Variants in PPP6R2 observed in about 807,000 individuals in gnomAD.
PPP6R2 encodes serine/threonine-protein phosphatase 6 regulatory subunit 2.
PPP6R2 carries 62 observed loss-of-function variants against 100.2 expected under a neutral mutation model. The ratio of observed to expected loss-of-function variants is 0.62; its 90% CI spans 0.50 to 0.76. The LOEUF (loss-of-function observed/expected upper bound fraction) is 0.76. Among genes scored for constraint, PPP6R2 ranks in the 30% least tolerant of loss-of-function variants. PPP6R2 has a pLI of 0.00. For missense variants in PPP6R2, 1,142 were observed against 1,276.3 expected (o/e 0.89, Z 1.60); for synonymous variants, 525 against 514.7 (o/e 1.02, Z -0.27).
intron 1 of PPP6R2, among the ~76,000 whole-genome samples, chr22:50,353,332 G>A (rs1008294523): frequency 1.3e-5 from 2 of 152,088 alleles, no homozygotes; most frequent in Non-Finnish European, 2.9e-5. Context: ...ACGTTATTAC[G>A]TTATTACTGT....
intron 5 of PPP6R2, among the ~76,000 whole-genome samples, chr22:50,415,691 C>T (rs901675846): frequency 2.6e-5 from 4 of 152,228 alleles, no homozygotes; most frequent in Admixed American, 2.0e-4. Context: ...CGTGTAGCCT[C>T]TCCAGGGTGG....
chr22:50,383,783 T>G (rs1353876361), intron 2 of PPP6R2, among the ~76,000 whole-genome samples: 1 of 152,110 alleles, frequency 6.6e-6, no homozygotes, highest in African/African-American at 2.4e-5. Context: ...ATGACTGTAA[T>G]TGCAGCACTT....
intron 1 of PPP6R2, among the ~76,000 whole-genome samples, chr22:50,356,508 C>T (rs769868360): frequency 3.3e-5 from 5 of 151,972 alleles, no homozygotes; most frequent in African/African-American, 1.2e-4. Flanking sequence ...GATTTTGCCA[C>T]GTTGGCCAGG....
Position 50,443,860 on chromosome 22 carries a change from A to T in PPP6R2, c.2580-6A>T. The T allele has an allele frequency of 6.4e-7, 1 of 1,569,104 alleles. No homozygotes were observed. Among genetic ancestry groups the T allele is most frequent in the East Asian group, 2.3e-5 (1 of 42,562 alleles). ...CCCGTAACCGGAGTCCATGTTTGCC[A>T]CACAGGGTCGGGTGTGCTGACAGCC... On this transcript the variant is annotated splice_polypyrimidine_tract_variant and splice_region_variant and intron_variant, in intron 22 of 23. Coordinates refer to ENST00000612753, the MANE Select transcript of PPP6R2 (RefSeq NM_001242898.2).
chr22:50,416,120 G>C lies in PPP6R2; in HGVS notation c.581G>C (p.Arg194Thr), dbSNP rs777031745. 1 of 1,613,914 alleles carries C rather than the reference G, an allele frequency of 6.2e-7. No individual in the cohort carries two copies. Among genetic ancestry groups the C allele is most frequent in the East Asian group, 2.2e-5 (1 of 44,878 alleles). Residue 194 changes from arginine to threonine, a missense_variant, in exon 6 of 24, where the codon AGG (arginine) becomes ACG (threonine). This residue lies in a region of PPP6R2 where 592 missense variants were observed against 758.9 expected (regional missense o/e 0.78). Transcript: ENST00000612753. ...HWLNEEKVIQ[R>T]LVELIHPSQD... ...CTGAATGAAGAGAAGGTCATCCAGA[G>C]GCTTGTGGAGTTGATCCACCCGAGC...
the PPP6R2 span, among the ~76,000 whole-genome samples, chr22:50,331,927 A>C: frequency 6.6e-6 from 1 of 151,130 alleles, no homozygotes; most frequent in African/African-American, 2.4e-5. Context: ...GCCCTATTTT[A>C]TTTTATTTTA....
intron 1 of PPP6R2, among the ~76,000 whole-genome samples, chr22:50,368,008 C>T (rs937168306): frequency 1.3e-5 from 2 of 152,206 alleles, no homozygotes; most frequent in Non-Finnish European, 2.9e-5. Context: ...AGGGGGCCGG[C>T]CCTTCCCTGT....
At chr22:50,422,895 T>C (rs8185000) in intron 9 of PPP6R2, among the ~76,000 whole-genome samples, 58,181 of 152,038 alleles carry the variant, frequency 0.38, 11,556 homozygotes, top group East Asian at 0.67. Flanking sequence ...GATCCACCTG[T>C]CCCACTAGCG....
At chr22:50,386,813 TAAGGAGGGTTGGAAAAGTTAGGCTG>T (rs1018917596) in intron 2 of PPP6R2, among the ~76,000 whole-genome samples, 20 of 152,188 alleles carry the variant, frequency 1.3e-4, no homozygotes, top group Admixed American at 1.0e-3. Flanking sequence ...TAGCTGGCTG[TAAGGAGGGTTGGAAAAGTTAGGCTG>T]AAGGAGGGTG....
intron 6 of PPP6R2, among the ~76,000 whole-genome samples, chr22:50,417,466 C>G (rs962602244): frequency 8.5e-5 from 13 of 152,170 alleles, no homozygotes; most frequent in African/African-American, 3.1e-4. Context: ...GTGGTGATCC[C>G]TGTTGAGAGT....
chr22:50,347,320 CG>C (rs1488201200), intron 1 of PPP6R2, among the ~76,000 whole-genome samples: 2 of 152,032 alleles, frequency 1.3e-5, no homozygotes, highest in Non-Finnish European at 2.9e-5. Context: ...TTTCAGTGCC[CG>C]CTGTCATCAC....
chr22:50,375,965 C>T (rs1380315533), intron 2 of PPP6R2, among the ~76,000 whole-genome samples: 1 of 150,764 alleles, frequency 6.6e-6, no homozygotes, highest in Non-Finnish European at 1.5e-5. Flanking sequence ...CTCAGCCTTG[C>T]AAGTAGCTGG....
rs960324264 is a variant in PPP6R2 at position 50,421,419 on chromosome 22, C to T, written c.846-835C>T. ...GTACAGCAGCACGATCATATCTCAGCGTGGCCTCAGAGTCCTGAGCTCAAG... is the reference window on the plus strand; with the variant it reads ...GTACAGCAGCACGATCATATCTCAGTGTGGCCTCAGAGTCCTGAGCTCAAG... On this transcript the variant is annotated intron_variant, in intron 8 of 23. Coordinates refer to ENST00000612753, the MANE Select transcript of PPP6R2 (RefSeq NM_001242898.2). Among the ~76,000 whole-genome samples, 5 of 152,182 alleles carry T rather than the reference C, an allele frequency of 3.3e-5. No individual in the cohort carries two copies. The East Asian group carries it at 5.8e-4, about 18-fold the overall frequency.
intron 8 of PPP6R2, among the ~76,000 whole-genome samples, chr22:50,421,771 G>A (rs1424633839): frequency 1.3e-5 from 2 of 152,116 alleles, no homozygotes; most frequent in Non-Finnish European, 2.9e-5. Context: ...AGGAGGCTGA[G>A]GCAGGAGAAT....
chr22:50,356,892 C>T (rs1421223127), intron 1 of PPP6R2, among the ~76,000 whole-genome samples: 3 of 151,872 alleles, frequency 2.0e-5, no homozygotes, highest in Non-Finnish European at 4.4e-5. Flanking sequence ...CAAGATCGTG[C>T]CACTGCCCTC....
chr22:50,350,448 C>T (rs1233335010), intron 1 of PPP6R2, among the ~76,000 whole-genome samples: 2 of 148,654 alleles, frequency 1.3e-5, no homozygotes, highest in South Asian at 4.2e-4. Context: ...CCAGGCTGGT[C>T]TCGAACTCCT....
chr22:50,441,046 G>A lies in PPP6R2; in HGVS notation c.2579+20G>A. On this transcript the variant is annotated intron_variant, in intron 22 of 23. Transcript: ENST00000612753. ...CGGCAGGTGTGTGGGGCGTGGCGGG[G>A]GCGGGCCTGCCGGGTGCATAGGGCG... 1.3e-6 allele frequency: 2 copies of A among 1,527,136 alleles called. No homozygotes were observed. The highest frequency in any genetic ancestry group is 1.2e-5 in the South Asian group (1 of 83,038). 94.6% of individuals were successfully genotyped at this position (1,527,136 alleles called of 1,614,324 possible). A position where few individuals can be genotyped will look rare whatever the true frequency, so the allele number is the denominator to read the frequency against.
chr22:50,346,926 C>T lies in PPP6R2; in HGVS notation c.-148+3376C>T, dbSNP rs537860144. ...AGTCACTGACCGCATAATCCCTCCCCTGCCAGTGCCCTTCCTTGTCAGTCC... is the reference window on the plus strand; with the variant it reads ...AGTCACTGACCGCATAATCCCTCCCTTGCCAGTGCCCTTCCTTGTCAGTCC... On this transcript the variant is annotated intron_variant, in intron 1 of 23. Coordinates refer to ENST00000612753, the MANE Select transcript of PPP6R2 (RefSeq NM_001242898.2). 1.1e-4 allele frequency among the ~76,000 whole-genome samples: 16 copies of T among 151,920 alleles called. No homozygotes were observed. In the South Asian group the frequency reaches 3.1e-3, roughly 30 times the overall value.
chr22:50,426,879 C>T (rs563101958), intron 10 of PPP6R2, among the ~76,000 whole-genome samples: 10 of 147,834 alleles, frequency 6.8e-5, no homozygotes, highest in Admixed American at 2.1e-4. Context: ...TGAATGGTCT[C>T]GGCCTAATTG....
Sources: gnomAD v4.1 joint callset for allele counts (sites outside exome capture counted in the v4.1 genomes callset) on GRCh38, gnomAD v4.1.1 for gene constraint, gnomAD v4.1.1 regional missense constraint, MANE v1.5 for transcripts, NCBI Gene and HGNC (gene_info 2026-07-23, HGNC 2026-07-21) for gene names.